ZNF10: variants seen among roughly 807,000 people sequenced by gnomAD.
ZNF10 encodes zinc finger protein 10 (KOX 1).
A neutral mutation model predicts 12.2 loss-of-function variants in ZNF10; 8 were observed. That is an observed-to-expected ratio of 0.66 (90% confidence interval 0.39 to 1.18). ZNF10 has a LOEUF of 1.18. Ranked by LOEUF, ZNF10 falls within the 50% of genes most tolerant of loss-of-function variation. The probability of loss-of-function intolerance (pLI) is 0.01; values close to 1 mark genes in which losing one functional copy is unlikely to be tolerated. For synonymous variants in ZNF10, 229 were observed against 228.2 expected, an observed-to-expected ratio of 1.00 and a Z score of -0.03; for missense variants, 603 against 678.9, an observed-to-expected ratio of 0.89 and a Z score of 1.24.
intron 1 of ZNF10, among the ~76,000 whole-genome samples, chr12:133,138,590 A>AC (rs1955926168): frequency 2.0e-5 from 3 of 152,268 alleles, no homozygotes; most frequent in Admixed American, 6.5e-5. Context: ...ATATGTCCTA[A>AC]TCCTTCCCTG....
intron 1 of ZNF10, among the ~76,000 whole-genome samples, chr12:133,140,475 A>G (rs1267761397): frequency 6.9e-6 from 1 of 144,364 alleles, no homozygotes; most frequent in Non-Finnish European, 1.5e-5. Context: ...GTCAGGCACC[A>G]TTCTATGTTT....
intron 2 of ZNF10, among the ~76,000 whole-genome samples, chr12:133,147,295 C>G (rs1955982024): frequency 6.6e-6 from 1 of 152,256 alleles, no homozygotes; most frequent in East Asian, 1.9e-4. Context: ...TAGGTGTGTG[C>G]CAAGAGTACG....
Position 133,151,128 on chromosome 12 carries a change from A to G in ZNF10, c.134A>G (p.Glu45Gly). 1 of 1,613,388 alleles carries G rather than the reference A, an allele frequency of 6.2e-7. No homozygotes were observed. Among genetic ancestry groups the G allele is most frequent in the South Asian group, 1.1e-5 (1 of 90,996 alleles). Reference protein sequence around the residue: ...QQIVYRNVMLENYKNLVSLGY... With the variant: ...QQIVYRNVMLGNYKNLVSLGY... ...ATCGTGTACAGAAATGTGATGCTGG[A>G]GAACTATAAGAACCTGGTTTCCTTG... Residue 45 changes from glutamate to glycine, a missense_variant, in exon 3 of 5, where the codon GAG becomes GGG. Coordinates refer to ENST00000248211, the MANE Select transcript of ZNF10 (RefSeq NM_015394.5).
chr12:133,140,135 C>G (rs1309887756), intron 1 of ZNF10, among the ~76,000 whole-genome samples: 2 of 134,114 alleles, frequency 1.5e-5, no homozygotes, highest in Non-Finnish European at 3.1e-5. Flanking sequence ...CCCAGGAGGT[C>G]AAGACTGCAG....
At chr12:133,142,901 T>C (rs1173904728) in intron 1 of ZNF10, among the ~76,000 whole-genome samples, 2 of 152,212 alleles carry the variant, frequency 1.3e-5, no homozygotes, top group African/African-American at 2.4e-5. Flanking sequence ...ATGCCAGTGC[T>C]CATGGCAGTG....
chr12:133,149,115 G>T (rs1357830307), intron 2 of ZNF10, among the ~76,000 whole-genome samples: 2 of 151,576 alleles, frequency 1.3e-5, no homozygotes, highest in Non-Finnish European at 2.9e-5. Context: ...TTGTTTTGAG[G>T]CAGGGTCTCA....
chr12:133,132,143 T>C (rs11147249), intron 1 of ZNF10, among the ~76,000 whole-genome samples: 11,027 of 152,268 alleles, frequency 0.072, 531 homozygotes, highest in Non-Finnish European at 0.11. Flanking sequence ...GCTAGAAATA[T>C]ATGTGAACTA....
chr12:133,139,191 T>G (rs1006142483), intron 1 of ZNF10: 3 of 152,216 alleles, frequency 2.0e-5, no homozygotes, highest in Admixed American at 6.5e-5. Flanking sequence ...TGTTGCTTCT[T>G]CTTTCAGTGG....
intron 1 of ZNF10, among the ~76,000 whole-genome samples, chr12:133,138,061 C>T (rs1291334889): frequency 2.0e-5 from 3 of 151,456 alleles, no homozygotes; most frequent in Admixed American, 2.0e-4. Context: ...AAAAAAAATC[C>T]TTAATCCCTT....
chr12:133,151,838 C>T lies in ZNF10; in HGVS notation c.190C>T (p.Leu64Phe). Residue 64 changes from leucine (L) to phenylalanine (F), a missense_variant, in exon 4 of 5, where the codon CTC becomes TTC. This residue lies in a region of ZNF10 where 393 missense variants were observed against 399.7 expected (regional missense o/e 0.98). Transcript: ENST00000248211. ...TCAGCTTACTAAGCCAGATGTGATC[C>T]TCCGGTTGGAGAAGGGAGAAGAGCC... ...GYQLTKPDVI[L>F]RLEKGEEPWL... 4 of 1,613,404 alleles carry T rather than the reference C, an allele frequency of 2.5e-6. No homozygotes were observed. The highest frequency in any genetic ancestry group is 3.4e-6 in the Non-Finnish European group (4 of 1,179,570).
chr12:133,151,751 T>A, intron 3 of ZNF10, 58 bp from the exon 4 acceptor site: 1 of 1,388,858 alleles, frequency 7.2e-7, no homozygotes. Context: ...TGTTTCTTCG[T>A]GCCTACCTCA....
intron 3 of ZNF10, 57 bp from the exon 4 acceptor site, chr12:133,151,752 G>A: frequency 7.2e-7 from 1 of 1,392,648 alleles, no homozygotes; most frequent in Admixed American, 1.8e-5. Context: ...GTTTCTTCGT[G>A]CCTACCTCAG....
At chr12:133,133,245 C>G (rs1186277809) in intron 1 of ZNF10, among the ~76,000 whole-genome samples, 3 of 152,176 alleles carry the variant, frequency 2.0e-5, no homozygotes, top group Non-Finnish European at 4.4e-5. Context: ...TCATACCTTG[C>G]CCTTTGCTGA....
At chr12:133,154,671 T>C (rs903586933) in intron 4 of ZNF10, among the ~76,000 whole-genome samples, 1 of 152,218 alleles carries the variant, frequency 6.6e-6, no homozygotes, top group South Asian at 2.1e-4. Context: ...CACCTTGTCA[T>C]GTAGCTGCTC....
At chr12:133,131,346 C>T (rs1033313498) in intron 1 of ZNF10, among the ~76,000 whole-genome samples, 1 of 84,152 alleles carries the variant, frequency 1.2e-5, no homozygotes, top group Admixed American at 1.0e-4. Context: ...ATATATACGC[C>T]ATCTAACACA....
chr12:133,145,870 C>T (rs907582481), intron 2 of ZNF10, among the ~76,000 whole-genome samples: 1 of 137,408 alleles, frequency 7.3e-6, no homozygotes, highest in African/African-American at 2.7e-5. Flanking sequence ...ACAGATTTGA[C>T]CACAGGTTCG....
At chr12:133,150,997 TG>T in intron 2 of ZNF10, 30 bp from the exon 3 acceptor site, 1 of 1,603,800 alleles carries the variant, frequency 6.2e-7, no homozygotes, top group Non-Finnish European at 8.5e-7. Flanking sequence ...GATGCATATC[TG>T]GTGCAATGCA....
Position 133,156,708 on chromosome 12 carries a change from C to T in ZNF10, c.1462C>T (p.Pro488Ser). The change falls in exon 5 of 5, where the codon CCA (proline) becomes TCA (serine). Residue 488 changes from proline to serine, a missense_variant. Transcript: ENST00000248211. Reference sequence around the variant, plus strand: ...TCAGAGGATACACACTGGAGAGAAACCATATGAATGCTGTCAGTGTGGGAA... The same window carrying T: ...TCAGAGGATACACACTGGAGAGAAATCATATGAATGCTGTCAGTGTGGGAA... ...VHQRIHTGEKPYECCQCGKAF... is the reference protein window; with the variant it reads ...VHQRIHTGEKSYECCQCGKAF... The T allele has an allele frequency of 6.2e-7, 1 of 1,613,460 alleles. No individual in the cohort carries two copies. Among genetic ancestry groups the T allele is most frequent in the East Asian group, 2.2e-5 (1 of 44,880 alleles).
chr12:133,140,381 G>GA (rs1438831422), intron 1 of ZNF10, among the ~76,000 whole-genome samples: 1 of 25,594 alleles, frequency 3.9e-5, no homozygotes, highest in Non-Finnish European at 9.5e-5. Flanking sequence ...CTCGACTTTG[G>GA]AAAAAAAAGA....
Sources: gnomAD v4.1 joint callset for allele counts (sites outside exome capture counted in the v4.1 genomes callset) on GRCh38, gnomAD v4.1.1 for gene constraint, gnomAD v4.1.1 regional missense constraint, MANE v1.5 for transcripts, NCBI Gene and HGNC (gene_info 2026-07-23, HGNC 2026-07-21) for gene names.